HDAC9: variants seen among roughly 807,000 people sequenced by gnomAD.
HDAC9 encodes histone deacetylase 9, also known as MEF-2 interacting transcription repressor (MITR) protein.
HDAC9 carries 41 observed loss-of-function variants against 139.4 expected under a neutral mutation model. That is an observed-to-expected ratio of 0.29 (90% CI 0.23 to 0.38). HDAC9 has a LOEUF of 0.38. Among genes scored for constraint, HDAC9 ranks in the 10% least tolerant of loss-of-function variants. HDAC9 has a pLI of 1.00. For missense variants in HDAC9, 1,147 were observed against 1,297.0 expected (o/e 0.88, Z 1.78); for synonymous variants, 517 against 476.2 (o/e 1.09, Z -1.12).
chr7:18,404,936 A>T (rs1787869555), intron 1 of HDAC9, among the ~76,000 whole-genome samples: 1 of 152,238 alleles, frequency 6.6e-6, no homozygotes. Flanking sequence ...TCAGGGAACC[A>T]GCCCTGGGCA....
intron 2 of HDAC9, among the ~76,000 whole-genome samples, chr7:18,239,191 AC>A (rs1468663922): frequency 1.3e-5 from 2 of 152,090 alleles, no homozygotes; most frequent in African/African-American, 4.8e-5. Flanking sequence ...TCCCTGGCAC[AC>A]TGGAGAAAAA....
intron 12 of HDAC9, among the ~76,000 whole-genome samples, chr7:18,674,585 C>T (rs1276168384): frequency 6.6e-6 from 1 of 151,902 alleles, no homozygotes; most frequent in Non-Finnish European, 1.5e-5. Flanking sequence ...ATCATTGTTC[C>T]TAGAGCCACT....
At chr7:18,953,938 A>G (rs1463223310) in intron 23 of HDAC9, among the ~76,000 whole-genome samples, 1 of 152,088 alleles carries the variant, frequency 6.6e-6, no homozygotes, top group African/African-American at 2.4e-5. Context: ...CTTGTGACCA[A>G]TGGAAAAGCC....
intron 13 of HDAC9, among the ~76,000 whole-genome samples, chr7:18,732,743 G>A (rs543172458): frequency 7.3e-5 from 7 of 96,076 alleles, no homozygotes; most frequent in South Asian, 3.1e-4. Flanking sequence ...GTATGTGTGC[G>A]TATGTGTACA....
At chr7:18,911,520 T>C (rs1197271617) in intron 22 of HDAC9, among the ~76,000 whole-genome samples, 1 of 151,912 alleles carries the variant, frequency 6.6e-6, no homozygotes, top group African/African-American at 2.4e-5. Flanking sequence ...TGTTCATTTC[T>C]TCTCTGAAAC....
At chr7:18,371,351 A>T (rs1384503555) in intron 1 of HDAC9, among the ~76,000 whole-genome samples, 1 of 152,184 alleles carries the variant, frequency 6.6e-6, no homozygotes, top group Non-Finnish European at 1.5e-5. Flanking sequence ...TAATGTTAAG[A>T]AGGAAGATAA....
intron 17 of HDAC9, among the ~76,000 whole-genome samples, chr7:18,822,018 C>T (rs1191339107): frequency 1.3e-5 from 2 of 152,254 alleles, no homozygotes; most frequent in East Asian, 1.9e-4. Flanking sequence ...AAGTGTGCCA[C>T]CCTTGCAGTT....
At chr7:18,548,576 C>T (rs924632690) in intron 2 of HDAC9, among the ~76,000 whole-genome samples, 2 of 152,116 alleles carry the variant, frequency 1.3e-5, no homozygotes, top group African/African-American at 2.4e-5. Flanking sequence ...GTATGTGAGT[C>T]TATTGGTGTA....
intron 12 of HDAC9, among the ~76,000 whole-genome samples, chr7:18,714,186 TC>T (rs1181022782): frequency 1.3e-5 from 2 of 152,258 alleles, no homozygotes; most frequent in African/African-American, 2.4e-5. Context: ...TTTGTTTTTT[TC>T]TGAATCCTGT....
intron 12 of HDAC9, among the ~76,000 whole-genome samples, chr7:18,719,588 C>G (rs1002127073): frequency 6.6e-6 from 1 of 152,128 alleles, no homozygotes; most frequent in African/African-American, 2.4e-5. Context: ...GATCCACCCA[C>G]CTTGGTCTCC....
chr7:18,430,257 T>C (rs1451680295), intron 1 of HDAC9, among the ~76,000 whole-genome samples: 1 of 152,170 alleles, frequency 6.6e-6, no homozygotes, highest in Admixed American at 6.5e-5. Flanking sequence ...GGTGTCTTGC[T>C]CTATTGCCCA....
At chr7:18,242,857 T>C (rs901774425) in intron 2 of HDAC9, among the ~76,000 whole-genome samples, 2 of 152,166 alleles carry the variant, frequency 1.3e-5, no homozygotes, top group African/African-American at 4.8e-5. Flanking sequence ...GGAAGGGTCT[T>C]ACTAGAAAAA....
Position 18,951,109 on chromosome 7 carries a change from T to C in HDAC9, c.2938-3037T>C, listed in dbSNP as rs1277429988. ...CAAGAATATCCCTCGCCTCTTTCTA[T>C]AGATGAATCTTAGGCAACTAAAATG... On this transcript the variant is annotated intron_variant, in intron 23 of 25. Coordinates refer to ENST00000686413, the MANE Select transcript of HDAC9 (RefSeq NM_178425.4). Among the ~76,000 whole-genome samples the C allele has an allele frequency of 2.6e-5, 4 of 151,992 alleles. No individual in the cohort carries two copies. The East Asian group carries it at 5.8e-4, about 22-fold the overall frequency.
intron 1 of HDAC9, among the ~76,000 whole-genome samples, chr7:18,147,797 G>A (rs978572108): frequency 7.3e-5 from 11 of 151,462 alleles, no homozygotes; most frequent in African/African-American, 1.2e-4. Context: ...TAAATATTAC[G>A]ATATTATTTC....
intron 6 of HDAC9, among the ~76,000 whole-genome samples, chr7:18,626,721 A>G (rs796356473): frequency 9.9e-5 from 15 of 152,156 alleles, no homozygotes; most frequent in Admixed American, 5.9e-4. Flanking sequence ...TGAGAGCTCT[A>G]TATCTGGCTG....
chr7:18,307,664 A>G (rs1160556562), intron 1 of HDAC9, among the ~76,000 whole-genome samples: 2 of 152,068 alleles, frequency 1.3e-5, no homozygotes, highest in African/African-American at 2.4e-5. Flanking sequence ...TTAGCCAGGT[A>G]TGGTGGTACA....
chr7:18,605,625 G>T (rs1835244838), intron 6 of HDAC9, among the ~76,000 whole-genome samples: 2 of 152,048 alleles, frequency 1.3e-5, no homozygotes. Flanking sequence ...TGGGTTCCTG[G>T]AAGTAAAACC....
chr7:18,579,996 C>T (rs573672109), intron 2 of HDAC9, among the ~76,000 whole-genome samples: 28 of 152,158 alleles, frequency 1.8e-4, no homozygotes, highest in Admixed American at 5.2e-4. Context: ...CGAAAGAGTC[C>T]GGTTTTTGAA....
intron 1 of HDAC9, among the ~76,000 whole-genome samples, chr7:18,402,440 G>T (rs556663719): frequency 6.6e-6 from 1 of 152,326 alleles, no homozygotes; most frequent in South Asian, 2.1e-4. Flanking sequence ...GCATGAGACA[G>T]TGTGGGGGAT....
Sources: allele counts gnomAD v4.1 joint callset (sites outside exome capture counted in the v4.1 genomes callset), GRCh38; gene constraint gnomAD v4.1.1; transcripts MANE v1.5; gene names NCBI Gene and HGNC (gene_info 2026-07-23, HGNC 2026-07-21).